PRKD1: variants seen among roughly 807,000 people sequenced by gnomAD.
The protein encoded by PRKD1 is serine/threonine-protein kinase D1.
Under a neutral mutation model 95.9 loss-of-function variants are expected in PRKD1, and 63 were observed. The observed-to-expected ratio is 0.66, with a 90% confidence interval of 0.54 to 0.81. The LOEUF (loss-of-function observed/expected upper bound fraction) is 0.81, where lower values mean the gene tolerates loss of function less well. Among genes scored for constraint, PRKD1 ranks in the 30% least tolerant of loss-of-function variants. The pLI, the probability that PRKD1 is intolerant of heterozygous loss-of-function variation, is 0.00. For synonymous variants in PRKD1, 425 were observed against 423.1 expected, an observed-to-expected ratio of 1.00 and a Z score of -0.05; for missense variants, 1,048 against 1,165.3, an observed-to-expected ratio of 0.90 and a Z score of 1.47.
intron 1 of PRKD1, among the ~76,000 whole-genome samples, chr14:29,910,451 G>A (rs1434480391): frequency 6.6e-6 from 1 of 152,130 alleles, no homozygotes; most frequent in Non-Finnish European, 1.5e-5. Context: ...GTTGAAGTCA[G>A]CGAGGCCAAG....
chr14:29,657,597 T>C lies in PRKD1; in HGVS notation c.696+6102A>G, dbSNP rs886379065. ...ATTACCTGCTACAGGCCGGGCGCAG[T>C]GGCTCACGGCTGTAATGCCAGCACT... On this transcript the variant is annotated intron_variant, in intron 4 of 17. Coordinates refer to ENST00000331968, the MANE Select transcript of PRKD1 (RefSeq NM_002742.3). 3.9e-5 allele frequency: 6 copies of C among 152,460 alleles called. No individual in the cohort carries two copies. The East Asian group carries it at 7.7e-4, about 20-fold the overall frequency. 9.4% of individuals were successfully genotyped at this position (152,460 alleles called of 1,614,324 possible).
At chr14:29,728,384 G>A (rs905531380) in intron 1 of PRKD1, among the ~76,000 whole-genome samples, 1 of 152,040 alleles carries the variant, frequency 6.6e-6, no homozygotes, top group African/African-American at 2.4e-5. Flanking sequence ...TCACAATCAA[G>A]CCATGAGACA....
intron 1 of PRKD1, among the ~76,000 whole-genome samples, chr14:29,880,740 T>A (rs894818758): frequency 4.6e-5 from 7 of 151,932 alleles, no homozygotes; most frequent in Non-Finnish European, 1.0e-4. Context: ...GGGGCGGAGC[T>A]ACACAAGACC....
chr14:29,734,447 A>C (rs1467711330), intron 1 of PRKD1, among the ~76,000 whole-genome samples: 3 of 152,148 alleles, frequency 2.0e-5, no homozygotes, highest in Non-Finnish European at 2.9e-5. Context: ...TCTTGGCAGA[A>C]CATTAAGTTA....
intron 4 of PRKD1, chr14:29,657,270 G>A (rs796660182): frequency 2.0e-4 from 31 of 152,274 alleles, no homozygotes; most frequent in African/African-American, 6.7e-4. Context: ...TATTGAATAT[G>A]TTCTTTTTCA....
At chr14:29,831,164 T>C (rs1349101029) in intron 1 of PRKD1, among the ~76,000 whole-genome samples, 1 of 152,216 alleles carries the variant, frequency 6.6e-6, no homozygotes, top group African/African-American at 2.4e-5. Flanking sequence ...GTTGATTTCA[T>C]AAATGCCTCA....
intron 1 of PRKD1, among the ~76,000 whole-genome samples, chr14:29,818,889 T>C (rs1022219633): frequency 6.6e-6 from 1 of 152,174 alleles, no homozygotes; most frequent in Non-Finnish European, 1.5e-5. Context: ...GTAGATATAC[T>C]AGATATAGTA....
intron 2 of PRKD1, among the ~76,000 whole-genome samples, chr14:29,705,738 G>T (rs67721432): frequency 0.069 from 10,443 of 151,930 alleles, 921 homozygotes; most frequent in African/African-American, 0.2. Context: ...CATATAAACT[G>T]ACTGGCTTCT....
intron 1 of PRKD1, among the ~76,000 whole-genome samples, chr14:29,899,375 G>A (rs1233587372): frequency 1.3e-5 from 2 of 152,044 alleles, no homozygotes; most frequent in African/African-American, 2.4e-5. Context: ...GGCCAGGCAC[G>A]GTGGCTCACA....
At chr14:29,735,588 C>T (rs1394444237) in intron 1 of PRKD1, among the ~76,000 whole-genome samples, 1 of 152,184 alleles carries the variant, frequency 6.6e-6, no homozygotes, top group Non-Finnish European at 1.5e-5. Context: ...AGACTTCTAA[C>T]TCATGTGTTG....
chr14:29,724,074 G>A (rs1411956725), intron 2 of PRKD1, among the ~76,000 whole-genome samples: 1 of 152,156 alleles, frequency 6.6e-6, no homozygotes, highest in African/African-American at 2.4e-5. Context: ...GGGAAGAGCA[G>A]GTCTGGCTCA....
intron 2 of PRKD1, among the ~76,000 whole-genome samples, chr14:29,713,835 T>C (rs911651693): frequency 1.3e-5 from 2 of 152,290 alleles, no homozygotes; most frequent in East Asian, 1.9e-4. Flanking sequence ...AGTTCTCAGT[T>C]TGAAGTTCAG....
At chr14:29,770,755 T>C (rs1474191970) in intron 1 of PRKD1, among the ~76,000 whole-genome samples, 2 of 151,732 alleles carry the variant, frequency 1.3e-5, no homozygotes, top group African/African-American at 4.8e-5. Flanking sequence ...TTACTTGAGC[T>C]CAGGAGTTTA....
chr14:29,631,680 A>T (rs1489383985), intron 9 of PRKD1, among the ~76,000 whole-genome samples: 1 of 151,858 alleles, frequency 6.6e-6, no homozygotes, highest in Non-Finnish European at 1.5e-5. Flanking sequence ...TTGTATTTTT[A>T]GTAGAGACAG....
intron 2 of PRKD1, among the ~76,000 whole-genome samples, chr14:29,688,032 C>T (rs1421145502): frequency 6.6e-6 from 1 of 152,184 alleles, no homozygotes; most frequent in Non-Finnish European, 1.5e-5. Context: ...CAAAATGGGT[C>T]TCAGTGAGCT....
chr14:29,804,061 G>T (rs1332778507), intron 1 of PRKD1, among the ~76,000 whole-genome samples: 1 of 151,994 alleles, frequency 6.6e-6, no homozygotes, highest in Non-Finnish European at 1.5e-5. Context: ...GGCCAACATG[G>T]CAAAACCCCA....
chr14:29,893,002 A>G (rs949279787), intron 1 of PRKD1, among the ~76,000 whole-genome samples: 2 of 152,212 alleles, frequency 1.3e-5, no homozygotes, highest in Non-Finnish European at 2.9e-5. Flanking sequence ...TGAAACCCTT[A>G]GAATGCCAAA....
chr14:29,691,186 C>T (rs1387765417), intron 2 of PRKD1, among the ~76,000 whole-genome samples: 1 of 152,190 alleles, frequency 6.6e-6, no homozygotes, highest in East Asian at 1.9e-4. Context: ...GTCTTTCATA[C>T]ATCTGGTTGT....
rs145965794 is a variant in PRKD1 at position 29,625,730 on chromosome 14, C to T, written c.1798+754G>A. On this transcript the variant is annotated intron_variant, in intron 12 of 17. Coordinates refer to ENST00000331968, the MANE Select transcript of PRKD1 (RefSeq NM_002742.3). ...TGTGAAATAGAGTAGAACTTAATTA[C>T]TTTTTAAATTAAAAAGTACAATATC... Among the ~76,000 whole-genome samples, 292 of 152,014 alleles carry T rather than the reference C, an allele frequency of 1.9e-3. 1 individual carries two copies. The highest frequency in any genetic ancestry group is 6.2e-3 in the African/African-American group (257 of 41,478).
Sources: gnomAD v4.1 joint callset for allele counts (sites outside exome capture counted in the v4.1 genomes callset) on GRCh38, gnomAD v4.1.1 for gene constraint, MANE v1.5 for transcripts, NCBI Gene and HGNC (gene_info 2026-07-23, HGNC 2026-07-21) for gene names.